Variants in BAZ2B observed in about 807,000 individuals in gnomAD.
BAZ2B encodes the protein bromodomain adjacent to zinc finger domain protein 2B.
Under a neutral mutation model 246.0 loss-of-function variants are expected in BAZ2B, and 91 were observed. That is an observed-to-expected ratio of 0.37 (90% confidence interval 0.31 to 0.44). BAZ2B has a LOEUF of 0.44. Among genes scored for constraint, BAZ2B ranks in the 20% least tolerant of loss-of-function variants. BAZ2B has a pLI of 1.00. For missense variants in BAZ2B, 2,332 were observed against 2,533.7 expected (o/e 0.92, Z 1.71); for synonymous variants, 855 against 860.0 (o/e 0.99, Z 0.10).
intron 14 of BAZ2B, among the ~76,000 whole-genome samples, chr2:159,406,816 G>A (rs970404460): frequency 6.6e-6 from 1 of 151,692 alleles, no homozygotes; most frequent in Admixed American, 6.6e-5. Context: ...GTGCAGTGGC[G>A]TGATCTCGGC....
chr2:159,340,621 A>G (rs995523949), intron 31 of BAZ2B, among the ~76,000 whole-genome samples: 2 of 151,964 alleles, frequency 1.3e-5, no homozygotes, highest in African/African-American at 4.8e-5. Context: ...ATGGGATGAT[A>G]TATTCAAAGT....
At chr2:159,478,299 T>C (rs1401463627) in intron 3 of BAZ2B, among the ~76,000 whole-genome samples, 1 of 152,198 alleles carries the variant, frequency 6.6e-6, no homozygotes, top group East Asian at 1.9e-4. Flanking sequence ...CTTGGGCCTA[T>C]TGTTTTAAAA....
chr2:159,521,492 T>C (rs1364428091), intron 2 of BAZ2B, among the ~76,000 whole-genome samples: 1 of 152,058 alleles, frequency 6.6e-6, no homozygotes, highest in Non-Finnish European at 1.5e-5. Context: ...AGACATTGCA[T>C]AACAATGAGA....
intron 3 of BAZ2B, among the ~76,000 whole-genome samples, chr2:159,469,599 C>A (rs1172095950): frequency 6.6e-6 from 1 of 152,052 alleles, no homozygotes; most frequent in Non-Finnish European, 1.5e-5. Flanking sequence ...CCATGCCTGG[C>A]TAATTTTTTA....
chr2:159,541,923 G>T (rs953252231), intron 2 of BAZ2B, among the ~76,000 whole-genome samples: 1 of 152,086 alleles, frequency 6.6e-6, no homozygotes, highest in Non-Finnish European at 1.5e-5. Context: ...ACAAAAGAAT[G>T]AAAGGAAACC....
At chr2:159,445,246 T>C (rs550491619) in intron 6 of BAZ2B, among the ~76,000 whole-genome samples, 1 of 152,282 alleles carries the variant, frequency 6.6e-6, no homozygotes, top group African/African-American at 2.4e-5. Context: ...GAAATCGCAT[T>C]AACAATCTGA....
the BAZ2B span, chr2:159,694,914 T>A: frequency 1.3e-5 from 2 of 152,350 alleles, no homozygotes; most frequent in South Asian, 4.1e-4. Context: ...CCCAAACAGC[T>A]GTACCATTTT....
At chr2:159,694,293 G>A in the BAZ2B span, 12 of 152,048 alleles carry the variant, frequency 7.9e-5, no homozygotes, top group Admixed American at 2.0e-4. Context: ...GACTCCACAC[G>A]GTGAGAAAAT....
chr2:159,419,352 A>G (rs2068324356), intron 13 of BAZ2B, among the ~76,000 whole-genome samples: 1 of 152,226 alleles, frequency 6.6e-6, no homozygotes, highest in Admixed American at 6.5e-5. Flanking sequence ...TTCACATAAA[A>G]AAATTAACAT....
intron 13 of BAZ2B, among the ~76,000 whole-genome samples, chr2:159,421,689 A>G (rs910224490): frequency 1.3e-5 from 2 of 152,146 alleles, no homozygotes; most frequent in African/African-American, 4.8e-5. Context: ...ATATATAATC[A>G]TATCTTAAGC....
intron 33 of BAZ2B, 143 bp from the exon 34 acceptor site, chr2:159,332,829 A>G: frequency 5.3e-6 from 5 of 942,232 alleles, no homozygotes; most frequent in Non-Finnish European, 7.8e-6. Flanking sequence ...ATACACATCT[A>G]TGTATCTTTC....
chr2:159,334,472 A>C (rs956973292), intron 33 of BAZ2B, among the ~76,000 whole-genome samples: 2 of 152,124 alleles, frequency 1.3e-5, no homozygotes, highest in African/African-American at 4.8e-5. Context: ...GGTATTTCTA[A>C]AGATATCGAG....
chr2:159,543,045 T>G (rs924131037), intron 2 of BAZ2B, among the ~76,000 whole-genome samples: 1 of 152,140 alleles, frequency 6.6e-6, no homozygotes, highest in Non-Finnish European at 1.5e-5. Flanking sequence ...AGAATAATAA[T>G]GATACCTCCC....
chr2:159,473,539 G>C (rs993354581), intron 3 of BAZ2B, among the ~76,000 whole-genome samples: 1 of 152,052 alleles, frequency 6.6e-6, no homozygotes, highest in Non-Finnish European at 1.5e-5. Flanking sequence ...TTTTTGAGGG[G>C]TTTTTTGTTT....
the BAZ2B span, among the ~76,000 whole-genome samples, chr2:159,676,647 GCACACACACACACA>G: frequency 1.5e-5 from 2 of 132,544 alleles, no homozygotes; most frequent in Non-Finnish European, 3.2e-5. Flanking sequence ...GTATCTAAAT[GCACACACACACACA>G]CACACACACA....
the BAZ2B span, among the ~76,000 whole-genome samples, chr2:159,700,678 C>T: frequency 6.6e-6 from 1 of 152,208 alleles, no homozygotes; most frequent in Non-Finnish European, 1.5e-5. Context: ...AACTCCTGAC[C>T]TCGTGATCTG....
chr2:159,401,131 G>C (rs1036529530), intron 16 of BAZ2B, among the ~76,000 whole-genome samples: 10 of 152,060 alleles, frequency 6.6e-5, no homozygotes, highest in African/African-American at 2.4e-4. Flanking sequence ...TTTCATGTCT[G>C]AAATTAATAT....
At chr2:159,336,311 T>C (rs2065660550) in intron 33 of BAZ2B, among the ~76,000 whole-genome samples, 1 of 152,230 alleles carries the variant, frequency 6.6e-6, no homozygotes, top group African/African-American at 2.4e-5. Context: ...TAGCTCTGTA[T>C]TTTGAACACA....
intron 13 of BAZ2B, among the ~76,000 whole-genome samples, chr2:159,422,826 A>T (rs943688385): frequency 6.6e-6 from 1 of 152,188 alleles, no homozygotes; most frequent in African/African-American, 2.4e-5. Context: ...CAAAGGTGCA[A>T]TATCTAGACT....
Sources: gnomAD v4.1 joint callset for allele counts (sites outside exome capture counted in the v4.1 genomes callset) on GRCh38, gnomAD v4.1.1 for gene constraint, MANE v1.5 for transcripts, NCBI Gene and HGNC (gene_info 2026-07-23, HGNC 2026-07-21) for gene names.